Variants in CADM2 observed in about 807,000 individuals in gnomAD.
The protein encoded by CADM2 is cell adhesion molecule 2.
In CADM2, 12 loss-of-function variants were observed where a neutral mutation model predicts 49.8. The ratio of observed to expected loss-of-function variants is 0.24; its 90% CI spans 0.15 to 0.39. The LOEUF (loss-of-function observed/expected upper bound fraction) is 0.39. Ranked by LOEUF, CADM2 falls within the 10% of genes least tolerant of loss-of-function variation. The pLI, the probability that CADM2 is intolerant of heterozygous loss-of-function variation, is 1.00. For missense variants in CADM2, 378 were observed against 492.3 expected, an observed-to-expected ratio of 0.77 and a Z score of 2.20; for synonymous variants, 214 against 175.4, an observed-to-expected ratio of 1.22 and a Z score of -1.74.
intron 2 of CADM2, among the ~76,000 whole-genome samples, chr3:85,783,045 A>G (rs2070752718): frequency 6.6e-6 from 1 of 152,204 alleles, no homozygotes; most frequent in Non-Finnish European, 1.5e-5. Flanking sequence ...ATTAGTACAT[A>G]AACAAAATGT....
At chr3:85,354,175 A>C (rs1009164006) in intron 1 of CADM2, among the ~76,000 whole-genome samples, 6 of 151,978 alleles carry the variant, frequency 3.9e-5, no homozygotes, top group African/African-American at 1.4e-4. Flanking sequence ...AAAATATTGA[A>C]TTACATTATC....
intron 1 of CADM2, among the ~76,000 whole-genome samples, chr3:85,585,557 C>G (rs1041313978): frequency 1.3e-5 from 2 of 151,842 alleles, no homozygotes; most frequent in African/African-American, 4.8e-5. Flanking sequence ...TATAAAAAAA[C>G]ATAGTATATA....
intron 1 of CADM2, among the ~76,000 whole-genome samples, chr3:85,123,989 G>C (rs2038947590): frequency 6.6e-6 from 1 of 152,182 alleles, no homozygotes; most frequent in African/African-American, 2.4e-5. Flanking sequence ...ATAAGTACTG[G>C]GGGATATTAG....
At chr3:85,968,910 A>G (rs1397133440) in intron 8 of CADM2, among the ~76,000 whole-genome samples, 2 of 151,726 alleles carry the variant, frequency 1.3e-5, no homozygotes, top group Admixed American at 6.6e-5. Flanking sequence ...TTTTTACAGT[A>G]TAGTTTTCAC....
At chr3:85,031,771 T>C (rs1241444761) in intron 1 of CADM2, among the ~76,000 whole-genome samples, 2 of 151,828 alleles carry the variant, frequency 1.3e-5, no homozygotes, top group Non-Finnish European at 2.9e-5. Context: ...CCGCCCGCCT[T>C]GGCCTCCCAG....
At chr3:85,799,373 C>T (rs1044683734) in intron 2 of CADM2, among the ~76,000 whole-genome samples, 6 of 152,104 alleles carry the variant, frequency 3.9e-5, no homozygotes, top group African/African-American at 1.4e-4. Flanking sequence ...ATGCTTCCAG[C>T]TTTTGCCCAT....
At chr3:85,895,899 T>G (rs890433267) in intron 5 of CADM2, among the ~76,000 whole-genome samples, 3 of 152,182 alleles carry the variant, frequency 2.0e-5, no homozygotes, top group Non-Finnish European at 4.4e-5. Context: ...TATGGAACTG[T>G]GAGTCCATTA....
At chr3:85,521,898 T>C (rs1303373891) in intron 1 of CADM2, among the ~76,000 whole-genome samples, 2 of 152,096 alleles carry the variant, frequency 1.3e-5, no homozygotes, top group African/African-American at 4.8e-5. Flanking sequence ...CCACACTTAC[T>C]GATGGGATTC....
At chr3:85,616,180 C>G (rs1051267160) in intron 1 of CADM2, among the ~76,000 whole-genome samples, 2 of 151,426 alleles carry the variant, frequency 1.3e-5, no homozygotes, top group Admixed American at 1.3e-4. Flanking sequence ...CTAATATAAA[C>G]CAAGAGCTGA....
At chr3:85,674,191 A>C (rs1425240508) in intron 1 of CADM2, among the ~76,000 whole-genome samples, 1 of 152,224 alleles carries the variant, frequency 6.6e-6, no homozygotes, top group Non-Finnish European at 1.5e-5. Flanking sequence ...TATTAAATAC[A>C]TGTAAACGCA....
At chr3:85,701,069 G>C (rs1410364249) in intron 1 of CADM2, among the ~76,000 whole-genome samples, 1 of 152,168 alleles carries the variant, frequency 6.6e-6, no homozygotes, top group African/African-American at 2.4e-5. Flanking sequence ...TACAGGAAGT[G>C]GCTTCTACTT....
intron 1 of CADM2, among the ~76,000 whole-genome samples, chr3:85,111,809 A>G (rs1389199957): frequency 6.6e-6 from 1 of 151,958 alleles, no homozygotes; most frequent in Non-Finnish European, 1.5e-5. Context: ...AAATTAATTT[A>G]AGGAAATGCC....
At chr3:84,967,008 T>C (rs1002509287) in intron 1 of CADM2, among the ~76,000 whole-genome samples, 51 of 152,082 alleles carry the variant, frequency 3.4e-4, no homozygotes, top group Non-Finnish European at 7.4e-5. Flanking sequence ...AACAAAGTCC[T>C]TTAAAAAGTC....
At chr3:85,463,603 G>A (rs941993782) in intron 1 of CADM2, among the ~76,000 whole-genome samples, 2 of 152,100 alleles carry the variant, frequency 1.3e-5, no homozygotes, top group African/African-American at 2.4e-5. Flanking sequence ...ATTAATAAAT[G>A]TGTACATATG....
chr3:85,410,438 T>C (rs561002316), intron 1 of CADM2, among the ~76,000 whole-genome samples: 1 of 152,322 alleles, frequency 6.6e-6, no homozygotes, highest in South Asian at 2.1e-4. Context: ...ACGTGCTGAT[T>C]TTTCTCGTGC....
intron 1 of CADM2, among the ~76,000 whole-genome samples, chr3:85,428,323 T>C (rs932364496): frequency 2.0e-5 from 3 of 146,688 alleles, no homozygotes; most frequent in Non-Finnish European, 3.0e-5. Context: ...ATATATATGA[T>C]ATATAATATA....
chr3:85,545,699 C>G (rs1286246730), intron 1 of CADM2, among the ~76,000 whole-genome samples: 1 of 152,114 alleles, frequency 6.6e-6, no homozygotes, highest in Non-Finnish European at 1.5e-5. Flanking sequence ...GGGTGGAACC[C>G]TGCTGCACTC....
At chr3:85,189,979 T>C (rs1056949391) in intron 1 of CADM2, among the ~76,000 whole-genome samples, 1 of 142,706 alleles carries the variant, frequency 7.0e-6, no homozygotes. Flanking sequence ...TTTTTTTTAG[T>C]GTCTGCATGG....
chr3:85,722,121 C>T (rs573000790), intron 1 of CADM2, among the ~76,000 whole-genome samples: 88 of 152,192 alleles, frequency 5.8e-4, no homozygotes, highest in African/African-American at 2.0e-3. Context: ...AGAGGAAGCC[C>T]TGAAGTGGGT....
Sources: gnomAD v4.1 joint callset for allele counts (sites outside exome capture counted in the v4.1 genomes callset) on GRCh38, gnomAD v4.1.1 for gene constraint, MANE v1.5 for transcripts, NCBI Gene and HGNC (gene_info 2026-07-23, HGNC 2026-07-21) for gene names.